The following PARM1 variants were observed in gnomAD, a reference collection of about 807,000 sequenced individuals.
The protein encoded by PARM1 is prostate androgen-regulated mucin-like protein 1, also known as WSC4, cell wall integrity and stress response component 4 homolog.
In PARM1, 14 loss-of-function variants were observed where a neutral mutation model predicts 24.6. The observed-to-expected ratio is 0.57, with a 90% CI of 0.38 to 0.89. The LOEUF is 0.89. Ranked by LOEUF, PARM1 falls within the 40% of genes least tolerant of loss-of-function variation. The probability of loss-of-function intolerance (pLI) is 0.00; values close to 1 mark genes in which losing one functional copy is unlikely to be tolerated. For synonymous variants in PARM1, 179 were observed against 156.6 expected, an observed-to-expected ratio of 1.14 and a Z score of -1.07; for missense variants, 362 against 380.4, an observed-to-expected ratio of 0.95 and a Z score of 0.40.
chr4:75,024,780 ACT>A (rs562634774), intron 2 of PARM1, among the ~76,000 whole-genome samples: 228 of 151,646 alleles, frequency 1.5e-3, no homozygotes, highest in African/African-American at 5.3e-3. Flanking sequence ...CTCACTGCAA[ACT>A]CCACCTCCTG....
intron 1 of PARM1, among the ~76,000 whole-genome samples, chr4:74,952,667 A>T (rs762720110): frequency 6.6e-6 from 1 of 152,226 alleles, no homozygotes; most frequent in Non-Finnish European, 1.5e-5. Flanking sequence ...TCCTAACAAC[A>T]TTAAAAGTAT....
chr4:75,029,553 C>T (rs1457181006), intron 2 of PARM1, among the ~76,000 whole-genome samples: 1 of 152,182 alleles, frequency 6.6e-6, no homozygotes, highest in Non-Finnish European at 1.5e-5. Context: ...CACCTTCCAC[C>T]ATGATTGTGA....
chr4:75,022,255 C>T (rs189274711), intron 2 of PARM1, among the ~76,000 whole-genome samples: 2 of 152,272 alleles, frequency 1.3e-5, no homozygotes, highest in African/African-American at 4.8e-5. Flanking sequence ...ATTCTTTAAA[C>T]TTAGTTTAAA....
At chr4:75,028,768 T>C (rs1723226608) in intron 2 of PARM1, among the ~76,000 whole-genome samples, 1 of 152,222 alleles carries the variant, frequency 6.6e-6, no homozygotes, top group Admixed American at 6.5e-5. Context: ...TAACAACAAC[T>C]TCTTTAAAGA....
intron 3 of PARM1, among the ~76,000 whole-genome samples, chr4:75,038,966 C>A (rs1723421874): frequency 6.6e-6 from 1 of 152,212 alleles, no homozygotes; most frequent in African/African-American, 2.4e-5. Context: ...GATTTATAGA[C>A]ACAACAGGAC....
intron 1 of PARM1, among the ~76,000 whole-genome samples, chr4:74,955,670 C>G (rs1187108398): frequency 6.6e-6 from 1 of 152,154 alleles, no homozygotes; most frequent in African/African-American, 2.4e-5. Flanking sequence ...GCCGTAGCTT[C>G]CAACACGTCG....
At chr4:75,028,374 G>C (rs1426631982) in intron 2 of PARM1, among the ~76,000 whole-genome samples, 2 of 152,196 alleles carry the variant, frequency 1.3e-5, no homozygotes, top group Admixed American at 6.5e-5. Flanking sequence ...CTTTTAAAGA[G>C]AAAGAATTCC....
At chr4:74,936,066 C>T (rs1218714499) in intron 1 of PARM1, among the ~76,000 whole-genome samples, 2 of 152,076 alleles carry the variant, frequency 1.3e-5, no homozygotes, top group Admixed American at 6.5e-5. Context: ...AACTCCTGAA[C>T]GTAAGTGATC....
At chr4:75,022,896 G>A (rs750342918) in intron 2 of PARM1, among the ~76,000 whole-genome samples, 9 of 152,182 alleles carry the variant, frequency 5.9e-5, no homozygotes, top group Non-Finnish European at 1.2e-4. Flanking sequence ...TGCATTAGGA[G>A]TGCATATAAT....
At chr4:74,946,346 C>T (rs566317592) in intron 1 of PARM1, among the ~76,000 whole-genome samples, 24 of 152,316 alleles carry the variant, frequency 1.6e-4, no homozygotes, top group African/African-American at 5.5e-4. Context: ...TTCTCTTCCC[C>T]ATCCCCACAG....
intron 1 of PARM1, among the ~76,000 whole-genome samples, chr4:74,960,215 C>T (rs1721738969): frequency 6.6e-6 from 1 of 152,226 alleles, no homozygotes; most frequent in Non-Finnish European, 1.5e-5. Context: ...GCACCCCTTT[C>T]TTCACGTTGC....
intron 1 of PARM1, among the ~76,000 whole-genome samples, chr4:74,976,942 C>A (rs983527602): frequency 1.3e-5 from 2 of 152,116 alleles, no homozygotes; most frequent in Non-Finnish European, 2.9e-5. Flanking sequence ...CCTACAAAAA[C>A]CCTATCCAAA....
chr4:74,975,331 G>T (rs72660373), intron 1 of PARM1, among the ~76,000 whole-genome samples: 23,983 of 152,144 alleles, frequency 0.16, 2,062 homozygotes, highest in East Asian at 0.34. Flanking sequence ...TTAGAGTGCG[G>T]TATTATGTTT....
intron 1 of PARM1, among the ~76,000 whole-genome samples, chr4:74,947,138 C>G (rs1467646346): frequency 6.6e-6 from 1 of 152,196 alleles, no homozygotes; most frequent in Non-Finnish European, 1.5e-5. Flanking sequence ...TCAGGTACTA[C>G]ATCTCCTAAT....
chr4:74,986,680 A>G (rs914319595), intron 1 of PARM1, among the ~76,000 whole-genome samples: 64 of 152,296 alleles, frequency 4.2e-4, no homozygotes, highest in African/African-American at 1.5e-3. Context: ...GGGCTGTTGC[A>G]GGGGACTTTG....
chr4:74,944,337 T>A (rs1174886475), intron 1 of PARM1, among the ~76,000 whole-genome samples: 2 of 152,228 alleles, frequency 1.3e-5, no homozygotes, highest in Non-Finnish European at 2.9e-5. Context: ...CACTTTGTGT[T>A]TATTTAAAAT....
Position 75,012,970 on chromosome 4 carries a change from A to G in PARM1, c.589A>G (p.Thr197Ala). The G allele has an allele frequency of 1.2e-6, 2 of 1,613,922 alleles. No individual in the cohort carries two copies. Among genetic ancestry groups the G allele is most frequent in the South Asian group, 1.1e-5 (1 of 91,068 alleles). The change falls in exon 2 of 4, where the codon ACA becomes GCA. Residue 197 changes from threonine to alanine, a missense_variant. By Grantham distance (58) the Thr-to-Ala change is moderately conservative. Coordinates refer to ENST00000307428, the MANE Select transcript of PARM1 (RefSeq NM_015393.4). ...TGAPTAPESPTEESSSDHTPT... is the reference protein window; with the variant it reads ...TGAPTAPESPAEESSSDHTPT... ...AGCTCCAACTGCACCAGAGTCCCCG[A>G]CAGAGGAGTCCAGCTCTGACCACAC... is the stretch of plus-strand genomic sequence containing the variant.
At position 74,972,561 on chromosome 4, in the gene PARM1, G is replaced by C. The variant is rs114798067; in HGVS notation, c.43+39191G>C. On this transcript the variant is annotated intron_variant, in intron 1 of 3. Coordinates refer to ENST00000307428, the MANE Select transcript of PARM1 (RefSeq NM_015393.4). ...ATTGTGTCTTTTAGTGCAGTTCTTC[G>C]GTAGTAGTATATGAGTTTTGACATT... is the stretch of plus-strand genomic sequence containing the variant. Among the ~76,000 whole-genome samples the C allele has an allele frequency of 6.8e-3, 1,035 of 152,156 alleles. 11 individuals are homozygous for C. Among genetic ancestry groups the C allele is most frequent in the African/African-American group, 0.024 (976 of 41,504 alleles).
chr4:74,986,746 ATG>A (rs2109776121), intron 1 of PARM1, among the ~76,000 whole-genome samples: 1 of 151,978 alleles, frequency 6.6e-6, no homozygotes, highest in East Asian at 1.9e-4. Context: ...AAAAATTTCA[ATG>A]GAAAAAAATG....
Sources: gnomAD v4.1 joint callset for allele counts (sites outside exome capture counted in the v4.1 genomes callset) on GRCh38, gnomAD v4.1.1 for gene constraint, MANE v1.5 for transcripts, NCBI Gene and HGNC (gene_info 2026-07-23, HGNC 2026-07-21) for gene names.